Variants in COXFA4L3 observed in about 807,000 individuals in gnomAD.
COXFA4L3 encodes the protein cytochrome c oxidase associated subunit FA4L3, also known as MIR147B host.
chr15:45,431,028 G>C, the COXFA4L3 span: 14 of 1,614,024 alleles, frequency 8.7e-6, no homozygotes, highest in African/African-American at 1.6e-4. Context: ...GTTCATGACT[G>C]TGGCGGCGGG....
the COXFA4L3 span, chr15:45,430,985 A>G: frequency 1.1e-4 from 182 of 1,612,118 alleles, no homozygotes; most frequent in African/African-American, 2.0e-3. Flanking sequence ...TGTCCCCTCC[A>G]CCTGTTATTT....
At chr15:45,432,092 C>T in the COXFA4L3 span, 1 of 1,613,450 alleles carries the variant, frequency 6.2e-7, no homozygotes, top group Non-Finnish European at 8.5e-7. Context: ...AAAAAAAATC[C>T]AGAACCTTGG....
the COXFA4L3 span, chr15:45,431,167 T>A: frequency 8.1e-7 from 1 of 1,232,440 alleles, no homozygotes; most frequent in Non-Finnish European, 1.1e-6. Context: ...AGTTTCCTAT[T>A]TTTTTCCCAT....
At chr15:45,431,217 A>G in the COXFA4L3 span, 1 of 614,500 alleles carries the variant, frequency 1.6e-6, no homozygotes, top group Middle Eastern at 2.9e-4. Context: ...GTCAGGGTTA[A>G]AAAGCATCTT....
the COXFA4L3 span, chr15:45,432,226 A>G: frequency 1.0e-6 from 1 of 984,544 alleles, no homozygotes; most frequent in Non-Finnish European, 1.5e-6. Flanking sequence ...CTTATTGTGT[A>G]ACTTAGATCA....
At chr15:45,433,125 T>G in the COXFA4L3 span, 1 of 1,169,394 alleles carries the variant, frequency 8.6e-7, no homozygotes, top group Non-Finnish European at 1.3e-6. Context: ...TGCTACATTT[T>G]TAGGGTTTGT....
chr15:45,430,733 C>T, the COXFA4L3 span: 1 of 1,524,792 alleles, frequency 6.6e-7, no homozygotes, highest in Non-Finnish European at 9.0e-7. Flanking sequence ...GTTTGGCGCC[C>T]ACCAGGCGAT....
At chr15:45,432,055 GCTTT>G in the COXFA4L3 span, 7 of 1,609,744 alleles carry the variant, frequency 4.3e-6, no homozygotes, top group African/African-American at 1.3e-5. Flanking sequence ...TGTTTAATTG[GCTTT>G]CTTTAATTTT....
the COXFA4L3 span, chr15:45,431,975 T>C: frequency 1.0e-6 from 1 of 995,974 alleles, no homozygotes; most frequent in Non-Finnish European, 1.5e-6. Flanking sequence ...TGCCTTAGTA[T>C]GAGACTGGTT....
chr15:45,431,234 G>A, the COXFA4L3 span: 4 of 518,522 alleles, frequency 7.7e-6, no homozygotes, highest in South Asian at 6.8e-5. Context: ...TCTTTTATCA[G>A]AAAACTCTTA....
the COXFA4L3 span, chr15:45,430,623 T>G: frequency 1.6e-6 from 1 of 628,346 alleles, no homozygotes; most frequent in African/African-American, 1.8e-5. Flanking sequence ...TTCCGGGCGT[T>G]ACCATCGTCC....
chr15:45,432,380 A>C, the COXFA4L3 span, among the ~76,000 whole-genome samples: 1 of 152,246 alleles, frequency 6.6e-6, no homozygotes, highest in African/African-American at 2.4e-5. Flanking sequence ...AAATCTGGAT[A>C]CCGGCCAGGC....
At chr15:45,432,711 A>G in the COXFA4L3 span, among the ~76,000 whole-genome samples, 2 of 152,138 alleles carry the variant, frequency 1.3e-5, no homozygotes, top group Non-Finnish European at 2.9e-5. Flanking sequence ...CATGTGTTTG[A>G]TCTTTCCCTC....
At chr15:45,432,661 T>C in the COXFA4L3 span, among the ~76,000 whole-genome samples, 1 of 152,134 alleles carries the variant, frequency 6.6e-6, no homozygotes, top group African/African-American at 2.4e-5. Context: ...CAAGACTGTC[T>C]TAAAAAAAAA....
the COXFA4L3 span, chr15:45,430,738 G>A: frequency 7.7e-6 from 12 of 1,552,150 alleles, no homozygotes; most frequent in African/African-American, 1.4e-4. Context: ...GCGCCCACCA[G>A]GCGATCAATA....
chr15:45,433,188 ACTGT>A, the COXFA4L3 span: 1 of 738,178 alleles, frequency 1.4e-6, no homozygotes, highest in Non-Finnish European at 2.5e-6. Context: ...CAATAACTGC[ACTGT>A]CTAAAAGTTT....
At chr15:45,430,644 C>A in the COXFA4L3 span, 1 of 671,132 alleles carries the variant, frequency 1.5e-6, no homozygotes, top group Non-Finnish European at 2.6e-6. Flanking sequence ...GTGCGCACCG[C>A]CCGGCGTCCA....
the COXFA4L3 span, chr15:45,433,103 C>A: frequency 7.6e-7 from 1 of 1,308,374 alleles, no homozygotes; most frequent in Non-Finnish European, 1.1e-6. Context: ...CACCAGTGTG[C>A]GGAAATGCTT....
the COXFA4L3 span, chr15:45,432,200 G>A: frequency 1.6e-6 from 2 of 1,243,832 alleles, no homozygotes; most frequent in East Asian, 4.7e-5. Context: ...GAGCAAAATA[G>A]ATTTAGTACC....
Sources: gnomAD v4.1 joint callset for allele counts (sites outside exome capture counted in the v4.1 genomes callset) on GRCh38, gnomAD v4.1.1 for gene constraint, MANE v1.5 for transcripts, NCBI Gene and HGNC (gene_info 2026-07-23, HGNC 2026-07-21) for gene names.